Variants in KIF3A observed in about 807,000 individuals in gnomAD.
KIF3A encodes the protein kinesin family member 3A.
A neutral mutation model predicts 92.6 loss-of-function variants in KIF3A; 27 were observed. The observed-to-expected ratio is 0.29, with a 90% CI of 0.21 to 0.40. The LOEUF (loss-of-function observed/expected upper bound fraction) is 0.40, where lower values mean the gene tolerates loss of function less well. Ranked by LOEUF, KIF3A falls within the 10% of genes least tolerant of loss-of-function variation. The probability of loss-of-function intolerance (pLI) is 1.00; values close to 1 mark genes in which losing one functional copy is unlikely to be tolerated. For synonymous variants in KIF3A, 250 were observed against 275.4 expected (o/e 0.91, Z 0.92); for missense variants, 581 against 872.6 (o/e 0.67, Z 4.21).
rs1355440073 is a variant in KIF3A at position 132,695,427 on chromosome 5, C to G, written c.*1207G>C. 1.3e-5 allele frequency: 2 copies of G among 152,266 alleles called. No individual in the cohort carries two copies. The highest frequency in any genetic ancestry group is 6.5e-5 in the Admixed American group (1 of 15,278). 9.4% of individuals were successfully genotyped at this position (152,266 alleles called of 1,614,324 possible). On this transcript the variant is annotated 3_prime_UTR_variant, in exon 19 of 19. Transcript: ENST00000403231. ...CATCAAGTGATCCACGTGCCTCGGC[C>G]TCCCAAAGTGCTGGGATTACAGGCG...
Position 132,715,865 on chromosome 5 carries a change from G to A in KIF3A, c.1021C>T (p.Arg341Cys), listed in dbSNP as rs1357193207. The A allele has an allele frequency of 1.2e-6, 2 of 1,608,702 alleles. No individual in the cohort carries two copies. Among genetic ancestry groups the A allele is most frequent in the Non-Finnish European group, 8.5e-7 (1 of 1,175,898 alleles). The change falls in exon 8 of 19, where the codon CGT (arginine) becomes TGT (cysteine). Residue 341 changes from arginine to cysteine, a missense_variant. Coordinates refer to ENST00000403231, the MANE Select transcript of KIF3A (RefSeq NM_001300791.2). Reference protein sequence around the residue: ...ETISTLRYANRAKNIKNKARI... With the variant: ...ETISTLRYANCAKNIKNKARI... ...GCTTTATTTTTAATATTCTTAGCAC[G>A]ATTGGCATACCGTAATGTACTGATA...
rs1561716214 is a variant in KIF3A, at chr5:132,734,452, G to A, written c.33C>T (p.Ser11=). The change falls in exon 2 of 19, where the codon AGC becomes AGT. Residue 11 remains serine (S), a synonymous_variant. Coordinates refer to ENST00000403231, the MANE Select transcript of KIF3A (RefSeq NM_001300791.2). MPINKSEKPE[S]CDNVKVVVRC... is the part of the protein sequence containing the mutation. Reference sequence around the variant, plus strand: ...TAACAACAACCTTCACATTATCGCAGCTTTCTGGCTTCTCTGATTTATTGA... The same window carrying A: ...TAACAACAACCTTCACATTATCGCAACTTTCTGGCTTCTCTGATTTATTGA... The A allele has an allele frequency of 3.1e-6, 5 of 1,611,450 alleles. No individual in the cohort carries two copies. The highest frequency in any genetic ancestry group is 4.2e-6 in the Non-Finnish European group (5 of 1,179,350).
intron 5 of KIF3A, among the ~76,000 whole-genome samples, chr5:132,717,962 A>G (rs1230147049): frequency 6.6e-6 from 1 of 152,190 alleles, no homozygotes; most frequent in Non-Finnish European, 1.5e-5. Context: ...AAAATTTTTA[A>G]TTAAATAACC....
downstream of KIF3A, among the ~76,000 whole-genome samples, chr5:132,691,876 C>G (rs10068370): frequency 2.0e-5 from 3 of 150,056 alleles, no homozygotes; most frequent in East Asian, 3.9e-4. Flanking sequence ...CACTCCAGCC[C>G]GGGCAACAAG....
chr5:132,717,426 G>A (rs1406467090), intron 5 of KIF3A, among the ~76,000 whole-genome samples: 1 of 152,032 alleles, frequency 6.6e-6, no homozygotes, highest in South Asian at 2.1e-4. Context: ...AGAGGTGGAG[G>A]TTGCAGTGAG....
In KIF3A at chr5:132,693,735, A is replaced by C. The variant is rs1052777740; in HGVS notation, c.*2899T>G. 6.6e-6 allele frequency: 1 copy of C among 152,414 alleles called. No homozygotes were observed. Among genetic ancestry groups the C allele is most frequent in the Non-Finnish European group, 1.5e-5 (1 of 68,076 alleles). The allele number at this position is 152,414 out of a possible 1,614,324, so 9.4% of individuals were successfully genotyped here. ...GGTGGCTCACACCTGTAATCCCAGC[A>C]CTTTGGGAGGCTGAGGCGGGCGGAT... is the stretch of plus-strand genomic sequence containing the variant. On this transcript the variant is annotated 3_prime_UTR_variant, in exon 19 of 19. Coordinates refer to ENST00000403231, the MANE Select transcript of KIF3A (RefSeq NM_001300791.2).
chr5:132,698,823 C>T (rs1185263309), intron 18 of KIF3A, among the ~76,000 whole-genome samples: 2 of 148,458 alleles, frequency 1.3e-5, no homozygotes, highest in South Asian at 2.1e-4. Context: ...CTGCAACCTC[C>T]GGCTCCTGGG....
Position 132,702,686 on chromosome 5 carries a change from A to G in KIF3A, c.1648-18T>C. ...CGTTCTTGCTATGACAAAAATTAGT[A>G]AACTTCAGAATAAATTTCTTTGTAA... On this transcript the variant is annotated intron_variant, in intron 13 of 18. Coordinates refer to ENST00000403231, the MANE Select transcript of KIF3A (RefSeq NM_001300791.2). The G allele has an allele frequency of 6.6e-7, 1 of 1,510,094 alleles. No homozygotes were observed. The highest frequency in any genetic ancestry group is 9.1e-7 in the Non-Finnish European group (1 of 1,096,444). 93.5% of individuals were successfully genotyped at this position (1,510,094 alleles called of 1,614,324 possible).
At chr5:132,736,443 T>C (rs1754391523) in intron 1 of KIF3A, among the ~76,000 whole-genome samples, 1 of 152,206 alleles carries the variant, frequency 6.6e-6, no homozygotes, top group Admixed American at 6.5e-5. Context: ...AGGTTTTGTG[T>C]CTTACGTCTG....
At position 132,697,119 on chromosome 5, in the gene KIF3A, T is replaced by C. The variant is rs372674911; in HGVS notation, c.2133-437A>G. ...GGGACTTATGGAAATGCTACATTAATGTATTATATTTATTGCAATTTTGCC... is the reference window on the plus strand; with the variant it reads ...GGGACTTATGGAAATGCTACATTAACGTATTATATTTATTGCAATTTTGCC... On this transcript the variant is annotated intron_variant, in intron 18 of 18. Coordinates refer to ENST00000403231, the MANE Select transcript of KIF3A (RefSeq NM_001300791.2). 8.5e-5 allele frequency among the ~76,000 whole-genome samples: 13 copies of C among 152,366 alleles called. No individual in the cohort carries two copies. The East Asian group carries it at 1.7e-3, about 20-fold the overall frequency.
chr5:132,724,499 T>C (rs1254857103), intron 4 of KIF3A, among the ~76,000 whole-genome samples: 2 of 152,006 alleles, frequency 1.3e-5, no homozygotes, highest in Admixed American at 6.6e-5. Context: ...TGTAGGGACA[T>C]GGATGAAGCT....
chr5:132,731,684 A>G (rs749266287), intron 2 of KIF3A, among the ~76,000 whole-genome samples: 2 of 152,164 alleles, frequency 1.3e-5, no homozygotes, highest in African/African-American at 2.4e-5. Context: ...GAAAGGACAA[A>G]GTAAAAACTG....
At chr5:132,726,538 A>G in intron 2 of KIF3A, 40 bp from the exon 3 acceptor site, 1 of 1,553,480 alleles carries the variant, frequency 6.4e-7, no homozygotes, top group Non-Finnish European at 8.9e-7. Context: ...CTTAAAGTCT[A>G]ATGCTACAGA....
At chr5:132,711,144 G>T in intron 8 of KIF3A, 87 bp from the exon 9 acceptor site, 1 of 1,257,842 alleles carries the variant, frequency 8.0e-7, no homozygotes, top group East Asian at 2.3e-5. Context: ...TTCTTCCTCA[G>T]ATTTTTGTTA....
Position 132,702,562 on chromosome 5 carries a change from G to A in KIF3A, c.1754C>T (p.Ser585Leu). Reference protein sequence around the residue: ...KVWTMLMAAKSEMADLQQEHQ... With the variant: ...KVWTMLMAAKLEMADLQQEHQ... Reference sequence around the variant, plus strand: ...GTAATTTCTAAGAGAACCAACCTCTGACTTTGCAGCCATCAGCATAGTCCA... The same window carrying A: ...GTAATTTCTAAGAGAACCAACCTCTAACTTTGCAGCCATCAGCATAGTCCA... Residue 585 changes from serine (S) to leucine (L), a missense_variant, in exon 14 of 19, where the codon TCA becomes TTA. Coordinates refer to ENST00000403231, the MANE Select transcript of KIF3A (RefSeq NM_001300791.2). 6.3e-7 allele frequency: 1 copy of A among 1,594,158 alleles called. No homozygotes were observed. Among genetic ancestry groups the A allele is most frequent in the Non-Finnish European group, 8.5e-7 (1 of 1,169,906 alleles).
intron 2 of KIF3A, among the ~76,000 whole-genome samples, chr5:132,731,673 G>C (rs532417493): frequency 1.3e-5 from 2 of 151,984 alleles, no homozygotes; most frequent in South Asian, 4.2e-4. Context: ...AAAGGAGATT[G>C]GAAAGGACAA....
chr5:132,699,729 T>C (rs891662600), intron 17 of KIF3A, among the ~76,000 whole-genome samples: 29 of 151,642 alleles, frequency 1.9e-4, no homozygotes, highest in African/African-American at 6.1e-4. Flanking sequence ...CGGCTAATTT[T>C]TTTTGTATTT....
Position 132,730,625 on chromosome 5 carries a change from C to CA in KIF3A, c.280+3579dup, listed in dbSNP as rs543915423. On this transcript the variant is annotated intron_variant, in intron 2 of 18. Transcript: ENST00000403231. ...AACATAGTGAGACCCTTATCTCTACCAAAAAAAAATTAAAATTAGCTGGGC... is the reference window on the plus strand; with the variant it reads ...AACATAGTGAGACCCTTATCTCTACCAAAAAAAAAATTAAAATTAGCTGGGC... Among the ~76,000 whole-genome samples, 426 of 150,394 alleles carry CA rather than the reference C, an allele frequency of 2.8e-3. 1 individual carries two copies. The highest frequency in any genetic ancestry group is 4.9e-3 in the Non-Finnish European group (332 of 67,416).
intron 2 of KIF3A, among the ~76,000 whole-genome samples, chr5:132,730,145 C>T (rs183207024): frequency 6.6e-6 from 1 of 152,312 alleles, no homozygotes; most frequent in East Asian, 1.9e-4. Context: ...GGACTAATTC[C>T]GTGAAAGACA....
Sources: gnomAD v4.1 joint callset for allele counts (sites outside exome capture counted in the v4.1 genomes callset) on GRCh38, gnomAD v4.1.1 for gene constraint, MANE v1.5 for transcripts, NCBI Gene and HGNC (gene_info 2026-07-23, HGNC 2026-07-21) for gene names.